Variants in KHNYN observed in about 807,000 individuals in gnomAD.
KHNYN encodes the protein protein KHNYN.
In KHNYN, 42 loss-of-function variants were observed where a neutral mutation model predicts 62.7. The observed-to-expected ratio is 0.67, with a 90% CI of 0.52 to 0.87. The LOEUF is 0.87. Among genes scored for constraint, KHNYN ranks in the 40% least tolerant of loss-of-function variants. The pLI is 0.00. For missense variants in KHNYN, 829 were observed against 874.1 expected, an observed-to-expected ratio of 0.95 and a Z score of 0.65; for synonymous variants, 347 against 345.6, an observed-to-expected ratio of 1.00 and a Z score of -0.04.
Position 24,441,063 on chromosome 14 carries a change from C to A in KHNYN, c.*3778C>A, listed in dbSNP as rs945147647. 1.0e-6 allele frequency: 1 copy of A among 965,116 alleles called. No individual in the cohort carries two copies. 59.8% of individuals were successfully genotyped at this position (965,116 alleles called of 1,614,324 possible). A position where few individuals can be genotyped will look rare whatever the true frequency, so the allele number is the denominator to read the frequency against. Reference sequence around the variant, plus strand: ...GGAGACAGAGCCATTTGGATATTTTCCCCTTGAACTTCTCCATGACCTGAA... The same window carrying A: ...GGAGACAGAGCCATTTGGATATTTTACCCTTGAACTTCTCCATGACCTGAA... On this transcript the variant is annotated 3_prime_UTR_variant, in exon 8 of 8. Transcript: ENST00000553935.
the KHNYN span, among the ~76,000 whole-genome samples, chr14:24,423,450 C>G: frequency 6.6e-6 from 1 of 151,952 alleles, no homozygotes; most frequent in Non-Finnish European, 1.5e-5. Flanking sequence ...CCGAGACAGG[C>G]AGGAGGAAGC....
upstream of KHNYN, chr14:24,429,877 G>A: frequency 3.0e-6 from 3 of 1,013,832 alleles, no homozygotes; most frequent in Non-Finnish European, 3.5e-6. Context: ...GGGCGCGGCG[G>A]CGGGGTTGGG....
chr14:24,436,551 C>T (rs951394521), intron 7 of KHNYN, 62 bp downstream of exon 7: 8 of 1,254,524 alleles, frequency 6.4e-6, no homozygotes, highest in Non-Finnish European at 9.0e-6. Context: ...TCAGCAGGCC[C>T]AGAGACTTGG....
In KHNYN at chr14:24,432,357, C is replaced by G; in HGVS notation, c.1096C>G (p.Pro366Ala). Residue 366 changes from proline to alanine, a missense_variant, in exon 3 of 8, where the codon CCC becomes GCC. Coordinates refer to ENST00000553935, the MANE Select transcript of KHNYN (RefSeq NM_015299.3). The surrounding 1 kb of genome is among the most constrained non-coding windows in gnomAD (Gnocchi z 5.6). ...RVPSPPPAPE[P>A]PWHCGDRGDC... is the part of the protein sequence containing the mutation. ...GCCCAGCCCTCCACCTGCACCGGAACCCCCATGGCACTGTGGAGACCGGGG... is the reference window on the plus strand; with the variant it reads ...GCCCAGCCCTCCACCTGCACCGGAAGCCCCATGGCACTGTGGAGACCGGGG... 1 of 1,613,988 alleles carries G rather than the reference C, an allele frequency of 6.2e-7. No homozygotes were observed. The highest frequency in any genetic ancestry group is 8.5e-7 in the Non-Finnish European group (1 of 1,179,992).
At chr14:24,428,626 G>T (rs1336555254), upstream of KHNYN, 3 of 1,187,110 alleles carry the variant, frequency 2.5e-6, no homozygotes, top group East Asian at 4.8e-5. Context: ...GGGGCAATAG[G>T]CCAGATTAGT....
At chr14:24,423,475 A>G in the KHNYN span, among the ~76,000 whole-genome samples, 1 of 151,604 alleles carries the variant, frequency 6.6e-6, no homozygotes, top group East Asian at 1.9e-4. Context: ...ATGGGGAGGA[A>G]GGTGAGTTTG....
chr14:24,440,295 T>G lies in KHNYN; in HGVS notation c.*3010T>G, dbSNP rs201366392. 1.2e-6 allele frequency: 2 copies of G among 1,613,944 alleles called. No homozygotes were observed. The highest frequency in any genetic ancestry group is 4.5e-5 in the East Asian group (2 of 44,878). Reference sequence around the variant, plus strand: ...AAGGTCTGGGCAAACTCAGCATTAGTGGCGGAGGATGGAGCCACTCCATTC... The same window carrying G: ...AAGGTCTGGGCAAACTCAGCATTAGGGGCGGAGGATGGAGCCACTCCATTC... On this transcript the variant is annotated 3_prime_UTR_variant, in exon 8 of 8. Coordinates refer to ENST00000553935, the MANE Select transcript of KHNYN (RefSeq NM_015299.3).
rs753349304 is a variant in KHNYN, at chr14:24,431,943, C to T, written c.682C>T (p.Pro228Ser). The T allele has an allele frequency of 6.2e-7, 1 of 1,613,468 alleles. No individual in the cohort carries two copies. The highest frequency in any genetic ancestry group is 2.2e-5 in the East Asian group (1 of 44,872). ...GAQCQGVRAP[P>S]SDGRESLDTG... ...TCAGTGCCAAGGAGTGAGAGCTCCC[C>T]CTAGTGACGGCAGGGAGTCCCTGGA... Residue 228 changes from proline to serine, a missense_variant, in exon 3 of 8, where the codon CCT becomes TCT. By Grantham distance (74) the Pro-to-Ser change is moderately conservative. Transcript: ENST00000553935.
upstream of KHNYN, chr14:24,429,245 C>T: frequency 1.4e-6 from 1 of 706,882 alleles, no homozygotes; most frequent in Non-Finnish European, 2.4e-6. Flanking sequence ...CTGCAGTTCC[C>T]TCCTCCTTGG....
chr14:24,440,902 G>A lies in KHNYN; in HGVS notation c.*3617G>A, dbSNP rs757888052. 13 of 1,613,866 alleles carry A rather than the reference G, an allele frequency of 8.1e-6. No homozygotes were observed. Among genetic ancestry groups the A allele is most frequent in the African/African-American group, 2.7e-5 (2 of 74,910 alleles). ...TCCTGGGCTGTCTTCATCATACTCCGCAGTCAGACTGGGCTGGTAGTAAGC... is the reference window on the plus strand; with the variant it reads ...TCCTGGGCTGTCTTCATCATACTCCACAGTCAGACTGGGCTGGTAGTAAGC... On this transcript the variant is annotated 3_prime_UTR_variant, in exon 8 of 8. Coordinates refer to ENST00000553935, the MANE Select transcript of KHNYN (RefSeq NM_015299.3).
Position 24,432,546 on chromosome 14 carries a change from G to T in KHNYN, c.1285G>T (p.Ala429Ser). The T allele has an allele frequency of 6.2e-7, 1 of 1,610,900 alleles. No individual in the cohort carries two copies. The change falls in exon 3 of 8, where the codon GCC becomes TCC. Residue 429 changes from alanine to serine, a missense_variant. By Grantham distance (99) the Ala-to-Ser change is moderately conservative (BLOSUM62 1). Around this residue, in one of 2 missense-constraint regions of KHNYN, gnomAD observed 270 missense variants for 347.1 expected, o/e 0.78. Coordinates refer to ENST00000553935, the MANE Select transcript of KHNYN (RefSeq NM_015299.3). The surrounding 1 kb of genome is among the most constrained non-coding windows in gnomAD (Gnocchi z 5.6). ...GCAGGATCCTTTCACCCTGTGCCTTGCCAATGTGCCTGGCCAGCCAGACCT... is the reference window on the plus strand; with the variant it reads ...GCAGGATCCTTTCACCCTGTGCCTTTCCAATGTGCCTGGCCAGCCAGACCT... ...ALQDPFTLCL[A>S]NVPGQPDLRH...
At chr14:24,428,106 G>C (rs1594748973), upstream of KHNYN, 2 of 1,335,782 alleles carry the variant, frequency 1.5e-6, no homozygotes, top group East Asian at 4.6e-5. Flanking sequence ...AGGGCTGAGG[G>C]GCGGCCAGCA....
chr14:24,440,066 C>T lies in KHNYN; in HGVS notation c.*2781C>T, dbSNP rs769777349. The T allele has an allele frequency of 2.7e-5, 43 of 1,573,426 alleles. No homozygotes were observed. The highest frequency in any genetic ancestry group is 3.5e-5 in the Non-Finnish European group (41 of 1,155,560). On this transcript the variant is annotated 3_prime_UTR_variant, in exon 8 of 8. Coordinates refer to ENST00000553935, the MANE Select transcript of KHNYN (RefSeq NM_015299.3). ...AAGCCTGTGAGGAACAGGCCTCAGG[C>T]CCTTGCCACGACCTACTTAGGCTAC...
At position 24,440,283 on chromosome 14, in the gene KHNYN, ACT is replaced by A; in HGVS notation, c.*3000_*3001del. 1 of 1,613,998 alleles carries A rather than the reference ACT, an allele frequency of 6.2e-7. No individual in the cohort carries two copies. Among genetic ancestry groups the A allele is most frequent in the South Asian group, 1.1e-5 (1 of 91,090 alleles). On this transcript the variant is annotated 3_prime_UTR_variant, in exon 8 of 8. Transcript: ENST00000553935. ...AGGGCAGCACCCAAGGTCTGGGCAA[ACT>A]CAGCATTAGTGGCGGAGGATGGAGC...
Position 24,432,227 on chromosome 14 carries a change from C to A in KHNYN, c.966C>A (p.His322Gln). The change falls in exon 3 of 8, where the codon CAC becomes CAA. Residue 322 changes from histidine to glutamine, a missense_variant. Transcript: ENST00000553935. The surrounding 1 kb of genome is among the most constrained non-coding windows in gnomAD (Gnocchi z 5.6). Reference sequence around the variant, plus strand: ...TGGGAGGAGGAGGGTTCTGTGTCCACCGTGAGCCTCCCGGTGCCCATGGCT... The same window carrying A: ...TGGGAGGAGGAGGGTTCTGTGTCCAACGTGAGCCTCCCGGTGCCCATGGCT... Reference protein sequence around the residue: ...IALGGGGFCVHREPPGAHGSC... With the variant: ...IALGGGGFCVQREPPGAHGSC... The A allele has an allele frequency of 6.2e-7, 1 of 1,604,780 alleles. No homozygotes were observed. The highest frequency in any genetic ancestry group is 1.1e-5 in the South Asian group (1 of 89,824).
upstream of KHNYN, chr14:24,428,031 T>C (rs1240206459): frequency 6.4e-6 from 10 of 1,573,138 alleles, no homozygotes; most frequent in Non-Finnish European, 8.7e-6. Context: ...AGCCCTTAGC[T>C]CAGGACCCCC....
chr14:24,428,230 C>T, upstream of KHNYN: 1 of 1,601,358 alleles, frequency 6.2e-7, no homozygotes, highest in Admixed American at 1.7e-5. Flanking sequence ...CTGGGCTCCC[C>T]TTCTTCCCCC....
rs1345510379 is a variant in KHNYN, at chr14:24,430,838, C to T, written c.108C>T (p.Ser36=). 1 of 1,613,294 alleles carries T rather than the reference C, an allele frequency of 6.2e-7. No individual in the cohort carries two copies. The highest frequency in any genetic ancestry group is 1.7e-5 in the Admixed American group (1 of 59,934). ...AGCCCCATGTGGAGCGCATCTTCAG[C>T]GTGGGGGTGAGCGTCCTTCCGAAGG... ...EQQPHVERIF[S]VGVSVLPKDC... is the part of the protein sequence containing the mutation. Residue 36 remains serine (S), a synonymous_variant, in exon 2 of 8, where the codon AGC becomes AGT. Coordinates refer to ENST00000553935, the MANE Select transcript of KHNYN (RefSeq NM_015299.3).
chr14:24,432,016 C>A lies in KHNYN; in HGVS notation c.755C>A (p.Thr252Asn). 6.2e-7 allele frequency: 1 copy of A among 1,608,558 alleles called. No homozygotes were observed. Among genetic ancestry groups the A allele is most frequent in the Non-Finnish European group, 8.5e-7 (1 of 1,176,236 alleles). ...GATTGCAGGGGAGCAAGGGGAGACA[C>A]TTACGCTGTGGAGAAGGAGGGAGGG... ...PGDCRGARGD[T>N]YAVEKEGGKQ... The change falls in exon 3 of 8, where the codon ACT becomes AAT. Residue 252 changes from threonine to asparagine, a missense_variant. Around this residue, in one of 2 missense-constraint regions of KHNYN, gnomAD observed 559 missense variants for 527.0 expected, o/e 1.06. Coordinates refer to ENST00000553935, the MANE Select transcript of KHNYN (RefSeq NM_015299.3). The surrounding 1 kb of genome is among the most constrained non-coding windows in gnomAD (Gnocchi z 5.6).
Sources: gnomAD v4.1 joint callset for allele counts (sites outside exome capture counted in the v4.1 genomes callset) on GRCh38, gnomAD v4.1.1 for gene constraint, gnomAD v4.1.1 regional missense constraint, Gnocchi (gnomAD v3.1) non-coding constraint, MANE v1.5 for transcripts, NCBI Gene and HGNC (gene_info 2026-07-23, HGNC 2026-07-21) for gene names.